The following ERG variants were observed in gnomAD, a reference collection of about 807,000 sequenced individuals.
ERG encodes the protein ETS transcription factor ERG.
A neutral mutation model predicts 55.3 loss-of-function variants in ERG; 9 were observed. The ratio of observed to expected loss-of-function variants is 0.16; its 90% CI spans 0.10 to 0.28. The LOEUF is 0.28. ERG is among the 10% of genes least tolerant of loss of function. The pLI, the probability that ERG is intolerant of heterozygous loss-of-function variation, is 1.00. For missense variants in ERG, 434 were observed against 631.6 expected (o/e 0.69, Z 3.35); for synonymous variants, 223 against 237.3 (o/e 0.94, Z 0.55).
intron 2 of ERG, among the ~76,000 whole-genome samples, chr21:38,549,760 G>C (rs1207382592): frequency 1.3e-5 from 2 of 151,934 alleles, no homozygotes; most frequent in Non-Finnish European, 2.9e-5. Context: ...AGATTTCTTT[G>C]AACACAGACT....
chr21:38,471,629 T>C (rs2059139949), intron 1 of ERG: 1 of 152,086 alleles, frequency 6.6e-6, no homozygotes, highest in Non-Finnish European at 1.5e-5. Context: ...AATTACTCAA[T>C]GACCAAACTA....
intron 2 of ERG, among the ~76,000 whole-genome samples, chr21:38,539,419 A>G (rs943336583): frequency 6.6e-6 from 1 of 152,224 alleles, no homozygotes; most frequent in Non-Finnish European, 1.5e-5. Context: ...CTCTTCAGAT[A>G]TATCCTGGGA....
At chr21:38,516,882 A>G (rs1240712213) in intron 2 of ERG, among the ~76,000 whole-genome samples, 1 of 152,168 alleles carries the variant, frequency 6.6e-6, no homozygotes, top group Non-Finnish European at 1.5e-5. Context: ...ACCCTCTTCA[A>G]TAAATGGTGC....
chr21:38,508,737 A>G (rs949493897), intron 2 of ERG, among the ~76,000 whole-genome samples: 1 of 152,250 alleles, frequency 6.6e-6, no homozygotes, highest in Non-Finnish European at 1.5e-5. Flanking sequence ...ATGTCCCATC[A>G]TGCATAACCT....
chr21:38,446,735 G>A (rs2058896099), intron 1 of ERG, among the ~76,000 whole-genome samples: 1 of 152,056 alleles, frequency 6.6e-6, no homozygotes, highest in African/African-American at 2.4e-5. Flanking sequence ...GGAGGCAGGG[G>A]AGTGTGGGCT....
chr21:38,450,939 G>T (rs182426548), intron 1 of ERG: 2 of 455,972 alleles, frequency 4.4e-6, no homozygotes, highest in South Asian at 1.6e-5. Flanking sequence ...GATTAGAGAA[G>T]TAACATCAAC....
chr21:38,607,761 T>G (rs2060204924), intron 1 of ERG, among the ~76,000 whole-genome samples: 1 of 152,134 alleles, frequency 6.6e-6, no homozygotes. Flanking sequence ...ATTAAAGAGA[T>G]AATAGTAATG....
At position 38,382,484 on chromosome 21, in the gene ERG, A is replaced by AT; in HGVS notation, c.*918dup. 9.4e-7 allele frequency: 1 copy of AT among 1,064,354 alleles called. No homozygotes were observed. The allele number at this position is 1,064,354 out of a possible 1,614,324, so 65.9% of individuals were successfully genotyped here. On this transcript the variant is annotated 3_prime_UTR_variant, in exon 10 of 10. Coordinates refer to ENST00000288319, the MANE Select transcript of ERG (RefSeq NM_182918.4). ...TTGACAAACAAAGAAAGAGATGCGC[A>AT]TTTTTGTTTCTGAATTCTACTACTT...
chr21:38,568,327 CTCA>C (rs2059936226), intron 2 of ERG, among the ~76,000 whole-genome samples: 1 of 152,128 alleles, frequency 6.6e-6, no homozygotes, highest in East Asian at 1.9e-4. Flanking sequence ...GATAATAAGT[CTCA>C]CTGAGTGCCA....
At chr21:38,496,772 A>AT (rs1185433640) in intron 1 of ERG, among the ~76,000 whole-genome samples, 3 of 152,196 alleles carry the variant, frequency 2.0e-5, no homozygotes, top group African/African-American at 7.2e-5. Flanking sequence ...AGTATAACAC[A>AT]TTTGGATGTT....
At position 38,460,877 on chromosome 21, in the gene ERG, AAGG is replaced by A. The variant is rs2146595562; in HGVS notation, c.19-15259_19-15257del. On this transcript the variant is annotated intron_variant, in intron 1 of 9. Transcript: ENST00000288319. This position sits in a 1 kb window ranked among gnomAD's most constrained non-coding sequence, Gnocchi z 5.0. The stretch of plus-strand genomic sequence containing the variant: ...TGGTGTCACTTCCTTTCTGCTTAGG[AAGG>A]AGACGTTTGGAAAAACTGTTCACTG... 6.6e-6 allele frequency among the ~76,000 whole-genome samples: 1 copy of A among 152,304 alleles called. No individual in the cohort carries two copies. The highest frequency in any genetic ancestry group is 2.1e-4 in the South Asian group (1 of 4,828).
intron 1 of ERG, among the ~76,000 whole-genome samples, chr21:38,481,435 A>G (rs2059237590): frequency 6.6e-6 from 1 of 152,208 alleles, no homozygotes; most frequent in African/African-American, 2.4e-5. Context: ...AATACTTCAG[A>G]TTTTATGAAA....
intron 2 of ERG, among the ~76,000 whole-genome samples, chr21:38,433,868 T>A (rs1240196680): frequency 1.3e-5 from 2 of 152,166 alleles, no homozygotes; most frequent in Non-Finnish European, 2.9e-5. Context: ...AACCCGCTAA[T>A]CCTGTCGAAA....
chr21:38,518,503 A>AT (rs916488606), intron 2 of ERG, among the ~76,000 whole-genome samples: 5 of 151,518 alleles, frequency 3.3e-5, no homozygotes, highest in African/African-American at 4.8e-5. Flanking sequence ...GTGGCAGTTG[A>AT]TTTTTTTTTA....
At chr21:38,540,648 A>C (rs1414178993) in intron 2 of ERG, among the ~76,000 whole-genome samples, 1 of 152,130 alleles carries the variant, frequency 6.6e-6, no homozygotes, top group African/African-American at 2.4e-5. Context: ...ATCACTCATC[A>C]TATATTGACA....
chr21:38,659,177 T>C (rs1426082033), intron 1 of ERG, among the ~76,000 whole-genome samples: 1 of 152,238 alleles, frequency 6.6e-6, no homozygotes, highest in Non-Finnish European at 1.5e-5. Context: ...AAGCTAGGAT[T>C]ACCAAATGGC....
intron 2 of ERG, among the ~76,000 whole-genome samples, chr21:38,544,660 A>C (rs2059776659): frequency 6.6e-6 from 1 of 152,150 alleles, no homozygotes; most frequent in East Asian, 1.9e-4. Flanking sequence ...AAATCAAGCC[A>C]ACCAACATGA....
intron 1 of ERG, among the ~76,000 whole-genome samples, chr21:38,605,256 G>A (rs1408207008): frequency 1.3e-5 from 2 of 152,000 alleles, no homozygotes; most frequent in Admixed American, 6.6e-5. Flanking sequence ...CCATTGTCAC[G>A]GGGTCACAAA....
At chr21:38,461,381 C>T (rs1182693561) in intron 1 of ERG, among the ~76,000 whole-genome samples, 1 of 152,194 alleles carries the variant, frequency 6.6e-6, no homozygotes, top group Admixed American at 6.5e-5. Flanking sequence ...TGTAAAGGCC[C>T]TACCTCCAAA....
Sources: allele counts gnomAD v4.1 joint callset (sites outside exome capture counted in the v4.1 genomes callset), GRCh38; gene constraint gnomAD v4.1.1; non-coding constraint Gnocchi (gnomAD v3.1); transcripts MANE v1.5; gene names NCBI Gene and HGNC (gene_info 2026-07-23, HGNC 2026-07-21).